MGAT4C: variants seen among roughly 807,000 people sequenced by gnomAD.
MGAT4C encodes the protein MGAT4 family member C.
Under a neutral mutation model 40.1 loss-of-function variants are expected in MGAT4C, and 19 were observed. The ratio of observed to expected loss-of-function variants is 0.47; its 90% CI spans 0.33 to 0.70. MGAT4C has a LOEUF of 0.70. Among genes scored for constraint, MGAT4C ranks in the 30% least tolerant of loss-of-function variants. The pLI is 0.02. For synonymous variants in MGAT4C, 181 were observed against 187.1 expected (o/e 0.97, Z 0.27); for missense variants, 491 against 563.2 (o/e 0.87, Z 1.30).
rs73398164 is a variant in MGAT4C, at chr12:86,286,005, T to C, written c.-57+48060A>G. ...CAACAAACCAGAAATAATTATTTAT[T>C]TTAAGGGTGATAAAGTCTTTGCAAA... On this transcript the variant is annotated intron_variant, in intron 4 of 7. Transcript: ENST00000548651. Among the ~76,000 whole-genome samples the C allele has an allele frequency of 4.2e-3, 641 of 152,174 alleles. 4 individuals carry two copies. Among genetic ancestry groups the C allele is most frequent in the African/African-American group, 0.015 (615 of 41,544 alleles).
Position 86,643,814 on chromosome 12 carries a change from G to A in MGAT4C, c.-229+83395C>T, listed in dbSNP as rs142808151. ...TACACTAAATTGTATACTTTAAAAG[G>A]TGAATTTGTTGTTTTGTGAATTAAT... On this transcript the variant is annotated intron_variant, in intron 2 of 7. Coordinates refer to the MGAT4C transcript ENST00000548651. 1.5e-4 allele frequency among the ~76,000 whole-genome samples: 23 copies of A among 151,776 alleles called. No individual in the cohort carries two copies. In the East Asian group the frequency reaches 3.7e-3, roughly 24 times the overall value.
At chr12:86,518,620 T>C (rs1958739044) in intron 2 of MGAT4C, among the ~76,000 whole-genome samples, 1 of 152,192 alleles carries the variant, frequency 6.6e-6, no homozygotes, top group Non-Finnish European at 1.5e-5. Flanking sequence ...TGGCAAACAG[T>C]TTGGGAGCTT....
intron 1 of MGAT4C, among the ~76,000 whole-genome samples, chr12:86,108,421 T>A (rs1876609101): frequency 6.6e-6 from 1 of 152,112 alleles, no homozygotes; most frequent in African/African-American, 2.4e-5. Context: ...CTTTTCTTTT[T>A]TTTCTTTTTC....
chr12:86,240,514 T>A (rs1443827589), intron 1 of MGAT4C, among the ~76,000 whole-genome samples: 1 of 152,096 alleles, frequency 6.6e-6, no homozygotes, highest in Non-Finnish European at 1.5e-5. Context: ...AATTTTAAAT[T>A]TACCACAAAG....
intron 2 of MGAT4C, among the ~76,000 whole-genome samples, chr12:86,555,297 T>A (rs1959555592): frequency 6.6e-6 from 1 of 152,186 alleles, no homozygotes; most frequent in Admixed American, 6.5e-5. Context: ...TGTCCTGAAA[T>A]GATACTGTAT....
At chr12:86,472,325 C>A (rs1957768262) in intron 2 of MGAT4C, among the ~76,000 whole-genome samples, 1 of 152,108 alleles carries the variant, frequency 6.6e-6, no homozygotes, top group South Asian at 2.1e-4. Context: ...GTAGAATTTT[C>A]ATTAAATTTG....
intron 2 of MGAT4C, among the ~76,000 whole-genome samples, chr12:86,583,240 T>C (rs1021500657): frequency 1.3e-5 from 2 of 151,274 alleles, no homozygotes; most frequent in African/African-American, 4.8e-5. Context: ...AAAAGACCCC[T>C]AGGGATTTCA....
intron 2 of MGAT4C, among the ~76,000 whole-genome samples, chr12:86,529,990 T>A (rs780548499): frequency 6.6e-6 from 1 of 151,314 alleles, no homozygotes; most frequent in African/African-American, 2.4e-5. Context: ...GTTGTGGTAA[T>A]GTATTTAAAA....
chr12:86,487,582 G>A (rs1230788547), intron 2 of MGAT4C, among the ~76,000 whole-genome samples: 2 of 152,126 alleles, frequency 1.3e-5, no homozygotes, highest in Non-Finnish European at 2.9e-5. Flanking sequence ...GTTAGTATGT[G>A]TTTGACAAAT....
At chr12:86,642,387 A>C (rs1214060418) in intron 2 of MGAT4C, among the ~76,000 whole-genome samples, 1 of 151,842 alleles carries the variant, frequency 6.6e-6, no homozygotes, top group Non-Finnish European at 1.5e-5. Context: ...GGGTTAGAAC[A>C]AGTTATGAAC....
intron 2 of MGAT4C, among the ~76,000 whole-genome samples, chr12:86,466,431 A>T (rs1183159558): frequency 1.3e-5 from 2 of 152,212 alleles, no homozygotes; most frequent in African/African-American, 4.8e-5. Flanking sequence ...AGTGAGAGTG[A>T]ATCTGAAAAG....
chr12:86,798,844 G>A (rs1024025356), intron 1 of MGAT4C, among the ~76,000 whole-genome samples: 3 of 151,812 alleles, frequency 2.0e-5, no homozygotes, highest in Non-Finnish European at 2.9e-5. Flanking sequence ...AAAATATATT[G>A]TAAAAATCAA....
In MGAT4C at chr12:86,486,078, G is replaced by A. The variant is rs372420345; in HGVS notation, c.-228-50813C>T. 4.9e-4 allele frequency among the ~76,000 whole-genome samples: 74 copies of A among 152,144 alleles called. 1 individual carries two copies. In the East Asian group the frequency reaches 0.013, roughly 27 times the overall value. On this transcript the variant is annotated intron_variant, in intron 2 of 7. Coordinates refer to the MGAT4C transcript ENST00000548651. ...GCCTTATAAAAGGTCCTTAAACATG[G>A]AAGCAAAAGAACAATACCCAGTACC...
rs550751951 is a variant in MGAT4C at position 86,469,256 on chromosome 12, T to G, written c.-228-33991A>C. Among the ~76,000 whole-genome samples, 6 of 152,266 alleles carry G rather than the reference T, an allele frequency of 3.9e-5. No homozygotes were observed. In the East Asian group the frequency reaches 1.2e-3, roughly 29 times the overall value. On this transcript the variant is annotated intron_variant, in intron 2 of 7. Coordinates refer to the MGAT4C transcript ENST00000548651. ...TCCCTGCTTTCTGATATTTACCCTG[T>G]TGTGTAAGGCTTCTTGTTGAGTGTG...
rs552592547 is a variant in MGAT4C, at chr12:86,116,023, G to A, written c.-56-66300C>T. 2.6e-5 allele frequency among the ~76,000 whole-genome samples: 4 copies of A among 152,088 alleles called. No homozygotes were observed. In the South Asian group the frequency reaches 6.2e-4, roughly 24 times the overall value. ...CAGCCCATAACAGTAGCCACATGAA[G>A]AATTTGCAATAATATTCCAGAAAGT... On this transcript the variant is annotated intron_variant, in intron 1 of 4. Coordinates refer to ENST00000611864, the MANE Select transcript of MGAT4C (RefSeq NM_001351288.2).
chr12:86,749,353 T>C (rs1951199862), intron 1 of MGAT4C, among the ~76,000 whole-genome samples: 2 of 151,712 alleles, frequency 1.3e-5, no homozygotes, highest in African/African-American at 4.8e-5. Flanking sequence ...TTGCATTAAT[T>C]TGCATAAAAT....
At chr12:86,518,219 G>A (rs1565821210) in intron 2 of MGAT4C, among the ~76,000 whole-genome samples, 1 of 152,102 alleles carries the variant, frequency 6.6e-6, no homozygotes, top group African/African-American at 2.4e-5. Context: ...AAAATGAATA[G>A]AGTTGACTTC....
At chr12:86,171,180 A>C (rs955231663) in intron 1 of MGAT4C, among the ~76,000 whole-genome samples, 1 of 151,974 alleles carries the variant, frequency 6.6e-6, no homozygotes, top group Admixed American at 6.6e-5. Context: ...GACTAGCCTG[A>C]CCAACATAGA....
intron 2 of MGAT4C, 54 bp downstream of exon 2, chr12:86,049,620 C>G: frequency 1.2e-6 from 1 of 865,832 alleles, no homozygotes; most frequent in Non-Finnish European, 1.4e-6. Flanking sequence ...TTTGATAATA[C>G]ATTTAAAAAG....
Sources: gnomAD v4.1 joint callset for allele counts (sites outside exome capture counted in the v4.1 genomes callset) on GRCh38, gnomAD v4.1.1 for gene constraint, MANE v1.5 for transcripts, NCBI Gene and HGNC (gene_info 2026-07-23, HGNC 2026-07-21) for gene names.